COTL1: variants seen among roughly 807,000 people sequenced by gnomAD.
COTL1 encodes the protein coactosin like F-actin binding protein 1.
In COTL1, 15 loss-of-function variants were observed where a neutral mutation model predicts 16.5. That is an observed-to-expected ratio of 0.91 (90% confidence interval 0.61 to 1.40). The LOEUF is 1.40. COTL1 is among the 40% of genes most tolerant of loss of function. The pLI is 0.00. For missense variants in COTL1, 220 were observed against 201.5 expected, an observed-to-expected ratio of 1.09 and a Z score of -0.56; for synonymous variants, 112 against 85.3, an observed-to-expected ratio of 1.31 and a Z score of -1.73.
At chr16:84,617,391 G>T in intron 2 of COTL1, 110 bp downstream of exon 2, 1 of 969,324 alleles carries the variant, frequency 1.0e-6, no homozygotes, top group South Asian at 1.4e-5. Context: ...ATGCGCCAGG[G>T]GCACCCCATG....
At chr16:84,607,080 C>T (rs1482438542) in intron 2 of COTL1, among the ~76,000 whole-genome samples, 1 of 152,140 alleles carries the variant, frequency 6.6e-6, no homozygotes, top group African/African-American at 2.4e-5. Context: ...ATGGGGATTC[C>T]CCGCCAAGGA....
rs1460447844 is a variant in COTL1 at position 84,617,562 on chromosome 16, G to GCC, written c.97_98dup (p.Ser34AlafsTer38). The stretch of plus-strand genomic sequence containing the variant: ...CCTGCTCGCCGGGGACGATGGTGGA[G>GCC]CCGTCATATTTAAAAGTCACCCTTT... On this transcript the variant is annotated frameshift_variant, in exon 2 of 4. Coordinates refer to ENST00000262428, the MANE Select transcript of COTL1 (RefSeq NM_021149.5). LOFTEE classifies it high-confidence loss of function. 1.3e-6 allele frequency: 2 copies of GCC among 1,557,716 alleles called. No individual in the cohort carries two copies. The highest frequency in any genetic ancestry group is 2.7e-5 in the African/African-American group (2 of 73,470).
At chr16:84,597,729 C>T (rs186635436) in intron 2 of COTL1, among the ~76,000 whole-genome samples, 22 of 152,298 alleles carry the variant, frequency 1.4e-4, no homozygotes, top group African/African-American at 3.1e-4. Flanking sequence ...TCAGCCCCCA[C>T]GCCCTCCTTG....
In COTL1 at chr16:84,618,077, C is replaced by T. The variant is rs886666858; in HGVS notation, c.-163G>A. 2.0e-5 allele frequency: 4 copies of T among 200,524 alleles called. No individual in the cohort carries two copies. The highest frequency in any genetic ancestry group is 7.1e-5 in the African/African-American group (3 of 42,014). 12.4% of individuals were successfully genotyped at this position (200,524 alleles called of 1,614,324 possible). On this transcript the variant is annotated 5_prime_UTR_variant, in exon 1 of 4. It adds an upstream start codon to the 5' untranslated region. Transcript: ENST00000262428. ...GCTGCGAGCGCGGCGGCGGCTTCCA[C>T]TGCGGACGGAGAGCGCGCGGGGACC... is the stretch of plus-strand genomic sequence containing the variant.
intron 2 of COTL1, among the ~76,000 whole-genome samples, chr16:84,609,965 A>G (rs756967813): frequency 8.5e-5 from 13 of 152,194 alleles, no homozygotes; most frequent in Admixed American, 6.5e-4. Context: ...AGACTAACAC[A>G]CTATCCCTGA....
chr16:84,588,852 T>C (rs1904794596), intron 3 of COTL1, among the ~76,000 whole-genome samples: 1 of 152,334 alleles, frequency 6.6e-6, no homozygotes, highest in Middle Eastern at 3.4e-3. Flanking sequence ...ATTTCTGGTA[T>C]ATTCACAGAT....
chr16:84,599,944 G>C (rs1165671308), intron 2 of COTL1, among the ~76,000 whole-genome samples: 3 of 152,300 alleles, frequency 2.0e-5, no homozygotes, highest in African/African-American at 7.2e-5. Context: ...AGGGGAGAGA[G>C]GGCAAGGCTG....
At chr16:84,604,555 C>T (rs1905172298) in intron 2 of COTL1, among the ~76,000 whole-genome samples, 1 of 151,960 alleles carries the variant, frequency 6.6e-6, no homozygotes, top group Admixed American at 6.5e-5. Context: ...CGTGAGTGCT[C>T]AGTTTATATG....
intron 1 of COTL1, 27 bp downstream of exon 1, chr16:84,617,811 G>T: frequency 1.9e-6 from 3 of 1,556,706 alleles, no homozygotes; most frequent in Non-Finnish European, 2.6e-6. Context: ...GGGGAGCGGG[G>T]CGTGGAGACG....
chr16:84,578,722 C>T (rs1052672838), intron 3 of COTL1, among the ~76,000 whole-genome samples: 8 of 151,946 alleles, frequency 5.3e-5, no homozygotes, highest in Middle Eastern at 3.5e-3. Context: ...CACACACAGG[C>T]ATGCACACAC....
intron 3 of COTL1, among the ~76,000 whole-genome samples, chr16:84,569,386 A>G (rs992435186): frequency 2.6e-5 from 4 of 152,194 alleles, no homozygotes; most frequent in Admixed American, 6.5e-5. Context: ...ATTAAAAAAT[A>G]AAAAACAAAA....
chr16:84,599,831 G>A (rs956573213), intron 2 of COTL1, among the ~76,000 whole-genome samples: 5 of 152,170 alleles, frequency 3.3e-5, no homozygotes, highest in Non-Finnish European at 7.3e-5. Context: ...TCCCTGGAGC[G>A]AGGATGAAAG....
Position 84,576,236 on chromosome 16 carries a change from A to G in COTL1, c.319-9281T>C, listed in dbSNP as rs548424636. On this transcript the variant is annotated intron_variant, in intron 3 of 3. Coordinates refer to ENST00000262428, the MANE Select transcript of COTL1 (RefSeq NM_021149.5). ...TCGGGGTACAAGTGTAAGGTCTGCT[A>G]TTCAGGAGTGTTGCGCCTATGAGGA... 2.0e-5 allele frequency: 3 copies of G among 152,372 alleles called. No homozygotes were observed. In the East Asian group the frequency reaches 5.8e-4, roughly 29 times the overall value. 9.4% of individuals were successfully genotyped at this position (152,372 alleles called of 1,614,324 possible).
At chr16:84,579,784 G>A (rs1012214170) in intron 3 of COTL1, among the ~76,000 whole-genome samples, 2 of 152,324 alleles carry the variant, frequency 1.3e-5, no homozygotes, top group South Asian at 2.1e-4. Flanking sequence ...ACAAGAGGTG[G>A]ACAAAAGTAT....
At chr16:84,614,111 C>T (rs1905405196) in intron 2 of COTL1, among the ~76,000 whole-genome samples, 1 of 152,214 alleles carries the variant, frequency 6.6e-6, no homozygotes. Flanking sequence ...GCTAGGACTT[C>T]CCCTGGAGTT....
chr16:84,582,996 A>G (rs1211299148), intron 3 of COTL1, among the ~76,000 whole-genome samples: 1 of 152,248 alleles, frequency 6.6e-6, no homozygotes, highest in East Asian at 1.9e-4. Context: ...ATCGAGAATC[A>G]GGAAATTTAA....
intron 2 of COTL1, among the ~76,000 whole-genome samples, chr16:84,606,976 C>G (rs923186232): frequency 1.3e-5 from 2 of 152,138 alleles, no homozygotes; most frequent in Admixed American, 6.5e-5. Context: ...CTGGGAAAAG[C>G]CTATGACCCA....
chr16:84,615,041 G>A (rs923135506), intron 2 of COTL1, among the ~76,000 whole-genome samples: 2 of 152,354 alleles, frequency 1.3e-5, no homozygotes, highest in South Asian at 4.1e-4. Context: ...GTATGACCAA[G>A]ATAAGGCACG....
At chr16:84,573,823 C>T (rs1239331770) in intron 3 of COTL1, among the ~76,000 whole-genome samples, 3 of 151,334 alleles carry the variant, frequency 2.0e-5, no homozygotes, top group African/African-American at 4.9e-5. Flanking sequence ...AAGATCTCTG[C>T]GTTTTACTCT....
Sources: gnomAD v4.1 joint callset for allele counts (sites outside exome capture counted in the v4.1 genomes callset) on GRCh38, gnomAD v4.1.1 for gene constraint, MANE v1.5 for transcripts, NCBI Gene and HGNC (gene_info 2026-07-23, HGNC 2026-07-21) for gene names.